Variants in CDH22 observed in about 807,000 individuals in gnomAD.
CDH22 encodes the protein cadherin-22.
In CDH22, 30 loss-of-function variants were observed where a neutral mutation model predicts 58.4. That is an observed-to-expected ratio of 0.51 (90% confidence interval 0.38 to 0.70). The LOEUF (loss-of-function observed/expected upper bound fraction) is 0.70. Among genes scored for constraint, CDH22 ranks in the 30% least tolerant of loss-of-function variants. The pLI is 0.00. For synonymous variants in CDH22, 513 were observed against 558.2 expected (o/e 0.92, Z 1.14); for missense variants, 1,014 against 1,233.9 (o/e 0.82, Z 2.67).
intron 3 of CDH22, among the ~76,000 whole-genome samples, chr20:46,231,061 G>A (rs6032724): frequency 6.6e-6 from 1 of 152,188 alleles, no homozygotes; most frequent in Non-Finnish European, 1.5e-5. Flanking sequence ...GCTGGGTTTA[G>A]ATTCTCCCTC....
rs894779455 is a variant in CDH22 at position 46,217,640 on chromosome 20, A to G, written c.671-647T>C. On this transcript the variant is annotated intron_variant, in intron 4 of 11. Transcript: ENST00000537909. ...CATACCTGCCCATGCAGAAATGCAC[A>G]TGGGCTCAGATACACTCACACATCC... Among the ~76,000 whole-genome samples, 7 of 152,324 alleles carry G rather than the reference A, an allele frequency of 4.6e-5. No individual in the cohort carries two copies. In the East Asian group the frequency reaches 1.3e-3, roughly 29 times the overall value.
intron 10 of CDH22, among the ~76,000 whole-genome samples, chr20:46,180,581 T>C (rs2085777437): frequency 6.6e-6 from 1 of 152,236 alleles, no homozygotes; most frequent in Admixed American, 6.5e-5. Context: ...ACTCTCTGCA[T>C]ATTTTAAATA....
chr20:46,211,490 G>A (rs2086043225), intron 6 of CDH22, among the ~76,000 whole-genome samples: 1 of 152,192 alleles, frequency 6.6e-6, no homozygotes, highest in South Asian at 2.1e-4. Flanking sequence ...GCCTAGGAGT[G>A]AGTGGTGGAC....
At chr20:46,276,673 A>G (rs1054133619) in intron 1 of CDH22, among the ~76,000 whole-genome samples, 5 of 152,248 alleles carry the variant, frequency 3.3e-5, no homozygotes, top group Non-Finnish European at 7.3e-5. Context: ...TGTATCCAGC[A>G]TGCAGGTAGA....
chr20:46,266,579 A>T lies in CDH22; in HGVS notation c.-399-14886T>A, dbSNP rs111505281. 8.3e-3 allele frequency among the ~76,000 whole-genome samples: 1,261 copies of T among 152,292 alleles called. 17 individuals carry two copies. Among genetic ancestry groups the T allele is most frequent in the African/African-American group, 0.028 (1,177 of 41,542 alleles). ...TTGGAGCTGCTTTGATGATGCACAT[A>T]TTCGGGATAGTTAATTTTTATTGTA... is the stretch of plus-strand genomic sequence containing the variant. On this transcript the variant is annotated intron_variant, in intron 1 of 11. Transcript: ENST00000537909.
intron 3 of CDH22, among the ~76,000 whole-genome samples, chr20:46,238,325 TG>T (rs563846164): frequency 9.8e-5 from 15 of 152,344 alleles, no homozygotes; most frequent in Non-Finnish European, 2.2e-4. Flanking sequence ...AGGGACTTGC[TG>T]TGTGACCTTG....
chr20:46,285,333 A>G (rs1316515894), intron 1 of CDH22, among the ~76,000 whole-genome samples: 1 of 152,114 alleles, frequency 6.6e-6, no homozygotes, highest in Non-Finnish European at 1.5e-5. Context: ...CACAATGTAG[A>G]CCTCTGCTGT....
intron 1 of CDH22, among the ~76,000 whole-genome samples, chr20:46,253,876 G>A (rs990413989): frequency 1.3e-5 from 2 of 152,236 alleles, no homozygotes; most frequent in South Asian, 2.1e-4. Context: ...TGTGGAGGTC[G>A]ATGGAGTGGC....
intron 7 of CDH22, among the ~76,000 whole-genome samples, chr20:46,200,973 T>C (rs930785535): frequency 6.6e-6 from 1 of 152,170 alleles, no homozygotes; most frequent in African/African-American, 2.4e-5. Flanking sequence ...CGCGAGCTAA[T>C]CTGCAGCTTT....
intron 8 of CDH22, among the ~76,000 whole-genome samples, chr20:46,188,557 G>A (rs1174533310): frequency 1.3e-5 from 2 of 152,220 alleles, no homozygotes; most frequent in African/African-American, 4.8e-5. Context: ...GACAGATTGA[G>A]TTAATATCTG....
intron 1 of CDH22, among the ~76,000 whole-genome samples, chr20:46,290,998 C>T (rs1036938280): frequency 6.6e-6 from 1 of 152,168 alleles, no homozygotes; most frequent in Non-Finnish European, 1.5e-5. Flanking sequence ...TAACAGCTGG[C>T]TGGGCATGGT....
chr20:46,257,500 C>T (rs528293455), intron 1 of CDH22, among the ~76,000 whole-genome samples: 31 of 152,242 alleles, frequency 2.0e-4, no homozygotes, highest in Admixed American at 1.8e-3. Flanking sequence ...CAAGGGAAGA[C>T]AGCAACTGAG....
chr20:46,268,493 A>G (rs1029835733), intron 1 of CDH22, among the ~76,000 whole-genome samples: 6 of 152,212 alleles, frequency 3.9e-5, no homozygotes, highest in Non-Finnish European at 7.3e-5. Context: ...ACAAGATTCA[A>G]TTCCACTTAG....
intron 1 of CDH22, among the ~76,000 whole-genome samples, chr20:46,254,093 TTAACAA>T (rs2086394457): frequency 6.6e-6 from 1 of 152,244 alleles, no homozygotes; most frequent in Non-Finnish European, 1.5e-5. Context: ...TGAACATACG[TTAACAA>T]TCGCTTTCTG....
chr20:46,237,817 C>T (rs1401664847), intron 3 of CDH22, among the ~76,000 whole-genome samples: 3 of 152,216 alleles, frequency 2.0e-5, no homozygotes, highest in Non-Finnish European at 2.9e-5. Flanking sequence ...TCAGTTTCCC[C>T]ACCTGTGAAA....
At chr20:46,224,789 C>T (rs1187460753) in intron 4 of CDH22, among the ~76,000 whole-genome samples, 1 of 152,198 alleles carries the variant, frequency 6.6e-6, no homozygotes, top group South Asian at 2.1e-4. Flanking sequence ...GATCTCACTG[C>T]CACCCCCTAT....
intron 1 of CDH22, among the ~76,000 whole-genome samples, chr20:46,276,253 C>G (rs1192258537): frequency 6.6e-6 from 1 of 152,130 alleles, no homozygotes; most frequent in South Asian, 2.1e-4. Flanking sequence ...AAGGAGAGAC[C>G]CTGGACTTTA....
chr20:46,214,864 G>A (rs1386895386), intron 5 of CDH22, among the ~76,000 whole-genome samples: 1 of 152,230 alleles, frequency 6.6e-6, no homozygotes, highest in Non-Finnish European at 1.5e-5. Flanking sequence ...TTGGGTATGA[G>A]CTGCTGGAAG....
At chr20:46,292,808 T>C (rs1048814972) in intron 1 of CDH22, among the ~76,000 whole-genome samples, 3 of 152,318 alleles carry the variant, frequency 2.0e-5, no homozygotes, top group East Asian at 3.9e-4. Flanking sequence ...TTTTTAAGAC[T>C]GAGCCCAAGT....
Sources: allele counts gnomAD v4.1 joint callset (sites outside exome capture counted in the v4.1 genomes callset), GRCh38; gene constraint gnomAD v4.1.1; transcripts MANE v1.5; gene names NCBI Gene and HGNC (gene_info 2026-07-23, HGNC 2026-07-21).